GUK1: variants seen among roughly 807,000 people sequenced by gnomAD.
GUK1 encodes the protein guanylate kinase.
Under a neutral mutation model 25.2 loss-of-function variants are expected in GUK1, and 18 were observed. That is an observed-to-expected ratio of 0.71 (90% CI 0.49 to 1.06). GUK1 has a LOEUF of 1.06. GUK1 is among the 50% of genes least tolerant of loss of function. The pLI is 0.00. For synonymous variants in GUK1, 105 were observed against 117.6 expected, an observed-to-expected ratio of 0.89 and a Z score of 0.69; for missense variants, 261 against 276.7, an observed-to-expected ratio of 0.94 and a Z score of 0.40.
intron 7 of GUK1, chr1:228,147,975 C>G: frequency 1.7e-6 from 1 of 584,326 alleles, no homozygotes; most frequent in Admixed American, 3.1e-5. Context: ...GCCCAGGGTC[C>G]CATGAGATGT....
Position 228,146,948 on chromosome 1 carries a change from G to A in GUK1, c.251+10G>A. 6.3e-7 allele frequency: 1 copy of A among 1,583,244 alleles called. No individual in the cohort carries two copies. Among genetic ancestry groups the A allele is most frequent in the Non-Finnish European group, 8.7e-7 (1 of 1,152,100 alleles). On this transcript the variant is annotated intron_variant, in intron 5 of 8. Coordinates refer to ENST00000312726, the MANE Select transcript of GUK1 (RefSeq NM_000858.7). The stretch of plus-strand genomic sequence containing the variant: ...ACCTGTATGGCACGAGGTGGGCCAT[G>A]CGTGGGTGTGGGTGGGCTCCCAGGG...
rs558141852 is a variant in GUK1 at position 228,141,556 on chromosome 1, CAGA to C, written c.-3+271_-3+273del. The C allele has an allele frequency of 6.0e-5, 50 of 832,436 alleles. 1 individual carries two copies. In the South Asian group the frequency reaches 1.4e-3, roughly 23 times the overall value. The allele number at this position is 832,436 out of a possible 1,614,324, so 51.6% of individuals were successfully genotyped here. On this transcript the variant is annotated intron_variant, in intron 2 of 8. Transcript: ENST00000312726. ...GCGGGGGCTGAATTCTCTCGGTTCT[CAGA>C]AGGTCAAGCCCTCTGTTAGCATCTC...
intron 2 of GUK1, among the ~76,000 whole-genome samples, chr1:228,144,002 A>G (rs1280093001): frequency 1.3e-5 from 2 of 151,962 alleles, no homozygotes; most frequent in Non-Finnish European, 2.9e-5. Context: ...AATGACATGT[A>G]TGCGTGTGCA....
At chr1:228,144,795 A>C in intron 2 of GUK1, 1 of 883,694 alleles carries the variant, frequency 1.1e-6, no homozygotes, top group South Asian at 5.2e-5. Context: ...GGCAAAGGCC[A>C]GCTCCCGGGC....
intron 4 of GUK1, chr1:228,146,451 A>C (rs934998564): frequency 2.4e-6 from 1 of 415,862 alleles, no homozygotes; most frequent in Non-Finnish European, 4.4e-6. Flanking sequence ...TCCCAACAGC[A>C]CCCCCGCCCC....
In GUK1 at chr1:228,140,381, G is replaced by C; in HGVS notation, c.-168+18G>C. The C allele has an allele frequency of 6.7e-7, 1 of 1,495,858 alleles. No homozygotes were observed. The highest frequency in any genetic ancestry group is 8.9e-7 in the Non-Finnish European group (1 of 1,127,990). The allele number at this position is 1,495,858 out of a possible 1,614,324, so 92.7% of individuals were successfully genotyped here. A position where few individuals can be genotyped will look rare whatever the true frequency, so the allele number is the denominator to read the frequency against. ...ACCGGACGGTGAGTACGACAAGCGC[G>C]ATCGCGAGGGTGACTCGGGTCGAGG... On this transcript the variant is annotated intron_variant, in intron 1 of 8. Transcript: ENST00000312726.
intron 2 of GUK1, chr1:228,141,396 C>A: frequency 2.5e-6 from 1 of 408,114 alleles, no homozygotes; most frequent in Non-Finnish European, 3.3e-6. Flanking sequence ...GGCCAGGATG[C>A]GTGCTACCCG....
chr1:228,147,017 C>G, intron 5 of GUK1, 79 bp downstream of exon 4: 4 of 935,724 alleles, frequency 4.3e-6, no homozygotes, highest in Non-Finnish European at 7.1e-6. Context: ...GCTGCCTGCC[C>G]GCCATCCACA....
Position 228,148,769 on chromosome 1 carries a change from C to T in GUK1, c.*72C>T. On this transcript the variant is annotated 3_prime_UTR_variant, in exon 9 of 9. Coordinates refer to ENST00000312726, the MANE Select transcript of GUK1 (RefSeq NM_000858.7). ...CAGCAGCATTGAGCCACCCCCTTGG[C>T]AGGCGATACGGCAGCTCTGTGCCCT... 6.2e-7 allele frequency: 1 copy of T among 1,610,118 alleles called. No individual in the cohort carries two copies. Among genetic ancestry groups the T allele is most frequent in the Non-Finnish European group, 8.5e-7 (1 of 1,178,898 alleles).
At chr1:228,144,645 G>T in intron 2 of GUK1, 1 of 829,954 alleles carries the variant, frequency 1.2e-6, no homozygotes, top group Non-Finnish European at 1.5e-6. Context: ...TAGAAGGGTG[G>T]GGCCAGAAGC....
At chr1:228,145,405 C>T in intron 2 of GUK1, 106 bp from the exon 2 acceptor site, 1 of 1,193,098 alleles carries the variant, frequency 8.4e-7, no homozygotes, top group Non-Finnish European at 1.1e-6. Context: ...ATGTCTCCAT[C>T]CCTGGGTCAG....
intron 3 of GUK1, 140 bp downstream of exon 2, chr1:228,145,764 A>C (rs568738676): frequency 2.6e-5 from 26 of 1,008,636 alleles, no homozygotes; most frequent in African/African-American, 2.1e-4. Flanking sequence ...ACTCCCCCCC[A>C]CACAGAACCT....
In GUK1 at chr1:228,148,800, A is replaced by G. The variant is rs1348790657; in HGVS notation, c.*103A>G. 7.5e-6 allele frequency: 12 copies of G among 1,592,296 alleles called. No individual in the cohort carries two copies. The highest frequency in any genetic ancestry group is 1.0e-5 in the Non-Finnish European group (12 of 1,169,876). On this transcript the variant is annotated 3_prime_UTR_variant, in exon 9 of 9. Coordinates refer to ENST00000312726, the MANE Select transcript of GUK1 (RefSeq NM_000858.7). ...ATACGGCAGCTCTGTGCCCTTGGCC[A>G]GCATGTGGAGTGGAGGAGATGCTGC...
chr1:228,140,349 G>T lies in GUK1; in HGVS notation c.-182G>T. ...GGGCTGGCTGCGGCCGCCCTGGGCC[G>T]GGCCCCACCGGACGGTGAGTACGAC... On this transcript the variant is annotated 5_prime_UTR_variant, in exon 1 of 9. Transcript: ENST00000312726. The T allele has an allele frequency of 6.6e-7, 1 of 1,524,230 alleles. No individual in the cohort carries two copies. The highest frequency in any genetic ancestry group is 8.7e-7 in the Non-Finnish European group (1 of 1,143,860). The allele number at this position is 1,524,230 out of a possible 1,614,324, so 94.4% of individuals were successfully genotyped here.
At position 228,147,408 on chromosome 1, in the gene GUK1, A is replaced by T; in HGVS notation, c.254A>T (p.Lys85Met). The T allele has an allele frequency of 6.2e-7, 1 of 1,609,912 alleles. No homozygotes were observed. The highest frequency in any genetic ancestry group is 8.5e-7 in the Non-Finnish European group (1 of 1,178,712). ...GCTGACCTGGCACCTCTCCCCAGCAAGGTGGCGGTGCAGGCCGTGCAGGCC... is the reference window on the plus strand; with the variant it reads ...GCTGACCTGGCACCTCTCCCCAGCATGGTGGCGGTGCAGGCCGTGCAGGCC... The change falls in exon 6 of 9, where the codon AAG becomes ATG. Residue 85 changes from lysine (K) to methionine (M), a missense_variant and splice_region_variant. By Grantham distance (95) the Lys-to-Met change is moderately conservative. Coordinates refer to ENST00000312726, the MANE Select transcript of GUK1 (RefSeq NM_000858.7).
chr1:228,147,231 C>T lies in GUK1; in HGVS notation c.252-175C>T, dbSNP rs895457603. ...GTGGGTGGCCTCTGTTCCCTGTAGG[C>T]GGGGCAGGGCGTGGGGGTAGCAGGT... is the stretch of plus-strand genomic sequence containing the variant. On this transcript the variant is annotated intron_variant, in intron 5 of 8. Coordinates refer to ENST00000312726, the MANE Select transcript of GUK1 (RefSeq NM_000858.7). Among the ~76,000 whole-genome samples, 1 of 152,184 alleles carries T rather than the reference C, an allele frequency of 6.6e-6. No individual in the cohort carries two copies. The highest frequency in any genetic ancestry group is 1.5e-5 in the Non-Finnish European group (1 of 68,008).
chr1:228,147,336 G>A (rs1004051778), intron 5 of GUK1, 70 bp from the exon 5 acceptor site: 1 of 1,465,132 alleles, frequency 6.8e-7, no homozygotes, highest in Non-Finnish European at 9.3e-7. Flanking sequence ...GGGAGGGCCT[G>A]GGTGTCCCTG....
chr1:228,146,547 C>T (rs1019397573), intron 4 of GUK1: 21 of 491,386 alleles, frequency 4.3e-5, no homozygotes, highest in Admixed American at 6.5e-5. Flanking sequence ...CACCACCTTC[C>T]CCCAGAACCT....
At chr1:228,145,341 C>T (rs1278532267) in intron 2 of GUK1, 170 bp from the exon 2 acceptor site, 3 of 623,334 alleles carry the variant, frequency 4.8e-6, no homozygotes, top group Non-Finnish European at 7.8e-6. Context: ...GCCCTTCCAA[C>T]GTGGCAGAGC....
Sources: allele counts gnomAD v4.1 joint callset (sites outside exome capture counted in the v4.1 genomes callset), GRCh38; gene constraint gnomAD v4.1.1; transcripts MANE v1.5; gene names NCBI Gene and HGNC (gene_info 2026-07-23, HGNC 2026-07-21).